The following TPM3 variants were observed in gnomAD, a reference collection of about 807,000 sequenced individuals.
TPM3 encodes tropomyosin 3.
A neutral mutation model predicts 43.1 loss-of-function variants in TPM3; 16 were observed. The ratio of observed to expected loss-of-function variants is 0.37; its 90% CI spans 0.25 to 0.56. TPM3 has a LOEUF of 0.56. Among genes scored for constraint, TPM3 ranks in the 20% least tolerant of loss-of-function variants. TPM3 has a pLI of 0.77. For missense variants in TPM3, 176 were observed against 337.2 expected (o/e 0.52, Z 3.74); for synonymous variants, 101 against 116.9 (o/e 0.86, Z 0.88).
intron 2 of TPM3, among the ~76,000 whole-genome samples, chr1:154,188,162 C>T (rs902877019): frequency 4.6e-5 from 7 of 151,552 alleles, no homozygotes; most frequent in Non-Finnish European, 7.3e-5. Context: ...TTCAAGCGAT[C>T]CTCCCATCTC....
At chr1:154,170,309 C>G in intron 8 of TPM3, 91 bp downstream of exon 8, 1 of 1,425,532 alleles carries the variant, frequency 7.0e-7, no homozygotes, top group Non-Finnish European at 9.9e-7. Flanking sequence ...TCACTACCAA[C>G]TTCCTTTGGT....
intron 2 of TPM3, among the ~76,000 whole-genome samples, chr1:154,177,448 G>A (rs1160855105): frequency 6.6e-6 from 1 of 152,048 alleles, no homozygotes; most frequent in African/African-American, 2.4e-5. Context: ...TTTTCTCTAA[G>A]AAACAAGGAA....
intron 2 of TPM3, 143 bp downstream of exon 2, chr1:154,191,043 G>A: frequency 7.6e-7 from 1 of 1,314,468 alleles, no homozygotes; most frequent in Non-Finnish European, 1.1e-6. Flanking sequence ...GAATATACCA[G>A]CATGTGGTTA....
chr1:154,183,382 G>A, intron 2 of TPM3: 1 of 1,251,894 alleles, frequency 8.0e-7, no homozygotes, highest in Non-Finnish European at 1.1e-6. Context: ...CCAGTAAACT[G>A]GGACGGGGTT....
At chr1:154,159,991 CTTTT>C (rs60242183), downstream of TPM3, among the ~76,000 whole-genome samples, 6 of 129,830 alleles carry the variant, frequency 4.6e-5, no homozygotes, top group East Asian at 2.2e-4. Flanking sequence ...AAGTTATTTC[CTTTT>C]TTTTTTTTTT....
intron 2 of TPM3, among the ~76,000 whole-genome samples, chr1:154,190,017 A>G (rs6680947): frequency 0.64 from 96,734 of 151,710 alleles, 31,933 homozygotes; most frequent in East Asian, 0.88. Context: ...TCTCGGCTCC[A>G]TGCAGCCTCC....
At chr1:154,175,227 A>G (rs987472698) in intron 3 of TPM3, among the ~76,000 whole-genome samples, 1 of 148,300 alleles carries the variant, frequency 6.7e-6, no homozygotes, top group African/African-American at 2.5e-5. Context: ...GCTACTTGGG[A>G]GGCTGAGGCA....
chr1:154,190,767 C>T (rs1663645883), intron 2 of TPM3, among the ~76,000 whole-genome samples: 1 of 152,134 alleles, frequency 6.6e-6, no homozygotes, highest in African/African-American at 2.4e-5. Flanking sequence ...TTTTGTTGGA[C>T]AGTTGAGAGA....
chr1:154,174,813 A>C (rs1421175269), intron 3 of TPM3, among the ~76,000 whole-genome samples: 1 of 151,300 alleles, frequency 6.6e-6, no homozygotes, highest in Non-Finnish European at 1.5e-5. Flanking sequence ...TATAATTTGC[A>C]TGCTACTCTA....
downstream of TPM3, chr1:154,155,706 G>T (rs190467762): frequency 7.9e-5 from 18 of 228,316 alleles, no homozygotes; most frequent in African/African-American, 3.3e-4. Context: ...TTAAAACCAC[G>T]CATTTATAGT....
At chr1:154,181,097 A>G (rs1053964468) in intron 2 of TPM3, among the ~76,000 whole-genome samples, 9 of 152,192 alleles carry the variant, frequency 5.9e-5, no homozygotes, top group Admixed American at 2.0e-4. Flanking sequence ...AGAAAGTGCC[A>G]CTGGCCATAA....
Position 154,166,518 on chromosome 1 carries a change from A to G in TPM3, c.*1419T>C. On this transcript the variant is annotated 3_prime_UTR_variant, in exon 10 of 10. Transcript: ENST00000651641. ...CTGCCTCAGCCTCCCAAGAAGCTAC[A>G]GGCAGTACAGGCAAGTGCCATTGCA... 61 of 1,054,994 alleles carry G rather than the reference A, an allele frequency of 5.8e-5. No individual in the cohort carries two copies. The highest frequency in any genetic ancestry group is 6.9e-5 in the Non-Finnish European group (60 of 872,368). The allele number at this position is 1,054,994 out of a possible 1,614,324, so 65.4% of individuals were successfully genotyped here. A position where few individuals can be genotyped will look rare whatever the true frequency, so the allele number is the denominator to read the frequency against.
At chr1:154,187,582 G>A (rs926371062) in intron 2 of TPM3, 1 of 870,592 alleles carries the variant, frequency 1.1e-6, no homozygotes, top group Non-Finnish European at 1.4e-6. Context: ...TAGGTGAGGG[G>A]TGCTATGTGT....
In TPM3 at chr1:154,165,625, CTAA is replaced by C. The variant is rs1660858537; in HGVS notation, c.*2309_*2311del. ...CCAACATGGTGAAACCTCACCTCTA[CTAA>C]TAATACAAAAATTAGCTGGGTGTGG... is the stretch of plus-strand genomic sequence containing the variant. On this transcript the variant is annotated 3_prime_UTR_variant, in exon 10 of 10. Transcript: ENST00000651641. Among the ~76,000 whole-genome samples the C allele has an allele frequency of 6.6e-6, 1 of 151,670 alleles. No homozygotes were observed. Among genetic ancestry groups the C allele is most frequent in the Non-Finnish European group, 1.5e-5 (1 of 67,944 alleles).
chr1:154,169,537 G>A, intron 8 of TPM3, 154 bp from the exon 9 acceptor site: 1 of 721,768 alleles, frequency 1.4e-6, no homozygotes, highest in South Asian at 1.6e-5. Context: ...ACCATGACTG[G>A]ACATTTTCAG....
downstream of TPM3, among the ~76,000 whole-genome samples, chr1:154,160,551 A>G (rs903671581): frequency 6.6e-6 from 1 of 152,196 alleles, no homozygotes; most frequent in Non-Finnish European, 1.5e-5. Flanking sequence ...ACTCCCCATT[A>G]AACCAATGGT....
In TPM3 at chr1:154,166,809, G is replaced by A; in HGVS notation, c.*1128C>T. 3.7e-6 allele frequency: 2 copies of A among 542,956 alleles called. No individual in the cohort carries two copies. Among genetic ancestry groups the A allele is most frequent in the Non-Finnish European group, 2.3e-6 (1 of 426,122 alleles). The allele number at this position is 542,956 out of a possible 1,614,324, so 33.6% of individuals were successfully genotyped here. ...CGATTCTCCTGCCTCAGCCTCCCGA[G>A]TAGCTGGGATTACAGGCACCCACCC... On this transcript the variant is annotated 3_prime_UTR_variant, in exon 10 of 10. Transcript: ENST00000651641.
chr1:154,179,198 A>G (rs1488371611), intron 2 of TPM3, among the ~76,000 whole-genome samples: 1 of 152,190 alleles, frequency 6.6e-6, no homozygotes, highest in Non-Finnish European at 1.5e-5. Flanking sequence ...TGCATTACCC[A>G]GGGAGATACC....
chr1:154,191,858 G>T, intron 1 of TPM3, 44 bp downstream of exon 1: 1 of 1,600,118 alleles, frequency 6.2e-7, no homozygotes, highest in Non-Finnish European at 8.5e-7. Context: ...CCATTTCACA[G>T]TCTTGTTCAC....
Sources: allele counts gnomAD v4.1 joint callset (sites outside exome capture counted in the v4.1 genomes callset), GRCh38; gene constraint gnomAD v4.1.1; transcripts MANE v1.5; gene names NCBI Gene and HGNC (gene_info 2026-07-23, HGNC 2026-07-21).